VMP1: variants seen among roughly 807,000 people sequenced by gnomAD.
VMP1 encodes the protein vacuole membrane protein 1.
In VMP1, 11 loss-of-function variants were observed where a neutral mutation model predicts 56.0. That is an observed-to-expected ratio of 0.20 (90% CI 0.12 to 0.32). The LOEUF (loss-of-function observed/expected upper bound fraction) is 0.32. Among genes scored for constraint, VMP1 ranks in the 10% least tolerant of loss-of-function variants. The probability of loss-of-function intolerance (pLI) is 1.00; values close to 1 mark genes in which losing one functional copy is unlikely to be tolerated. For missense variants in VMP1, 296 were observed against 490.3 expected (o/e 0.60, Z 3.74); for synonymous variants, 149 against 165.0 (o/e 0.90, Z 0.74).
chr17:59,755,649 C>T (rs1343433543), intron 5 of VMP1, among the ~76,000 whole-genome samples: 2 of 151,926 alleles, frequency 1.3e-5, no homozygotes, highest in Non-Finnish European at 2.9e-5. Flanking sequence ...CAGTAATTTA[C>T]CAACAGATTT....
rs138887363 is a variant in VMP1 at position 59,797,838 on chromosome 17, C to T, written c.715-10958C>T. 2.0e-4 allele frequency among the ~76,000 whole-genome samples: 30 copies of T among 152,340 alleles called. No homozygotes were observed. The East Asian group carries it at 5.8e-3, about 29-fold the overall frequency. ...AGGTTGCAGTGAGCTAAGATCGCAC[C>T]ATTGCAGCCTGGGCAACAAGAGCAA... On this transcript the variant is annotated intron_variant, in intron 7 of 11. Transcript: ENST00000262291.
chr17:59,750,094 C>A (rs985422258), intron 5 of VMP1, among the ~76,000 whole-genome samples: 3 of 152,126 alleles, frequency 2.0e-5, no homozygotes, highest in African/African-American at 7.2e-5. Flanking sequence ...TTCCTAACAT[C>A]TGAGTCTTAT....
At chr17:59,752,866 T>C (rs1202718546) in intron 5 of VMP1, among the ~76,000 whole-genome samples, 1 of 152,238 alleles carries the variant, frequency 6.6e-6, no homozygotes, top group East Asian at 1.9e-4. Context: ...AGTAACTATG[T>C]AAGATGATAA....
chr17:59,785,590 T>C (rs1195913646), intron 7 of VMP1, among the ~76,000 whole-genome samples: 1 of 149,160 alleles, frequency 6.7e-6, no homozygotes, highest in Non-Finnish European at 1.5e-5. Context: ...CTTGGGAGGC[T>C]GAGGAACGAG....
intron 1 of VMP1, among the ~76,000 whole-genome samples, chr17:59,717,162 G>C (rs1223457868): frequency 6.6e-6 from 1 of 151,690 alleles, no homozygotes; most frequent in East Asian, 2.0e-4. Context: ...CATAGACACG[G>C]AGTTTCACTG....
chr17:59,791,000 C>T (rs2144119280), intron 7 of VMP1, among the ~76,000 whole-genome samples: 1 of 152,136 alleles, frequency 6.6e-6, no homozygotes, highest in African/African-American at 2.4e-5. Flanking sequence ...TTATCTAATC[C>T]TTTTATATCT....
intron 10 of VMP1, among the ~76,000 whole-genome samples, chr17:59,834,913 C>T (rs1474879610): frequency 1.3e-5 from 2 of 150,864 alleles, no homozygotes; most frequent in East Asian, 1.9e-4. Flanking sequence ...TGTGAACCAC[C>T]GAGGCTGGTC....
intron 9 of VMP1, among the ~76,000 whole-genome samples, chr17:59,812,668 C>T: frequency 6.6e-6 from 1 of 152,154 alleles, no homozygotes; most frequent in East Asian, 1.9e-4. Context: ...CGTGGTGGCT[C>T]ACGCCTGTAA....
At chr17:59,780,389 G>A (rs939624344) in intron 7 of VMP1, among the ~76,000 whole-genome samples, 3 of 152,076 alleles carry the variant, frequency 2.0e-5, no homozygotes, top group Admixed American at 2.0e-4. Flanking sequence ...TCAGGAGTTC[G>A]AGACCAGCCT....
At chr17:59,791,316 G>A (rs549537284) in intron 7 of VMP1, among the ~76,000 whole-genome samples, 1 of 151,616 alleles carries the variant, frequency 6.6e-6, no homozygotes, top group East Asian at 1.9e-4. Flanking sequence ...AGCCTCCAGA[G>A]TAGCTGGGAT....
chr17:59,818,828 A>T (rs2038339111), intron 10 of VMP1, among the ~76,000 whole-genome samples: 1 of 152,166 alleles, frequency 6.6e-6, no homozygotes, highest in African/African-American at 2.4e-5. Flanking sequence ...TTTTCTTTTC[A>T]TTCAGTAGTA....
chr17:59,805,387 A>G (rs2037811050), intron 7 of VMP1, among the ~76,000 whole-genome samples: 1 of 152,172 alleles, frequency 6.6e-6, no homozygotes, highest in Non-Finnish European at 1.5e-5. Flanking sequence ...TGTTTTTTAA[A>G]CCATGTTTTC....
At chr17:59,725,551 C>A (rs1290761700) in intron 1 of VMP1, among the ~76,000 whole-genome samples, 937 of 111,258 alleles carry the variant, frequency 8.4e-3, no homozygotes, top group South Asian at 9.1e-3. Context: ...GTCAAAATGC[C>A]AAAAAAAAAA....
At chr17:59,769,153 A>G (rs1157878646) in intron 6 of VMP1, among the ~76,000 whole-genome samples, 1 of 80,150 alleles carries the variant, frequency 1.2e-5, no homozygotes, top group Admixed American at 1.6e-4. Context: ...TAAAATGAAA[A>G]CTTTTTTTTT....
chr17:59,728,059 T>C (rs1598299669), intron 1 of VMP1, among the ~76,000 whole-genome samples: 1 of 152,210 alleles, frequency 6.6e-6, no homozygotes, highest in African/African-American at 2.4e-5. Flanking sequence ...TATTCAGCAT[T>C]GAAGACAACA....
intron 1 of VMP1, among the ~76,000 whole-genome samples, chr17:59,711,005 G>A (rs369898668): frequency 2.6e-5 from 4 of 151,858 alleles, no homozygotes; most frequent in African/African-American, 4.8e-5. Flanking sequence ...CCCGGGAGGC[G>A]GAGGTTGCAG....
At chr17:59,789,188 G>C (rs1171072834) in intron 7 of VMP1, among the ~76,000 whole-genome samples, 2 of 146,824 alleles carry the variant, frequency 1.4e-5, no homozygotes, top group Non-Finnish European at 3.0e-5. Context: ...TACTCTGGAG[G>C]CTGAGGCAGG....
intron 2 of VMP1, 103 bp from the exon 3 acceptor site, chr17:59,735,235 A>C: frequency 7.0e-7 from 1 of 1,424,896 alleles, no homozygotes; most frequent in Admixed American, 2.4e-5. Flanking sequence ...ACTTGCTATT[A>C]GTTGTTATTT....
At chr17:59,744,106 A>C in intron 5 of VMP1, among the ~76,000 whole-genome samples, 1 of 150,968 alleles carries the variant, frequency 6.6e-6, no homozygotes, top group Admixed American at 6.6e-5. Context: ...TTTTTTTTTA[A>C]ATCATGAATC....
Sources: gnomAD v4.1 joint callset for allele counts (sites outside exome capture counted in the v4.1 genomes callset) on GRCh38, gnomAD v4.1.1 for gene constraint, MANE v1.5 for transcripts, NCBI Gene and HGNC (gene_info 2026-07-23, HGNC 2026-07-21) for gene names.